MAML3: variants seen among roughly 807,000 people sequenced by gnomAD.
MAML3 encodes mastermind like transcriptional coactivator 3, also known as mastermind-like protein 3.
MAML3 carries 27 observed loss-of-function variants against 101.9 expected under a neutral mutation model. That is an observed-to-expected ratio of 0.27 (90% CI 0.20 to 0.37). The LOEUF (loss-of-function observed/expected upper bound fraction) is 0.37, where lower values mean the gene tolerates loss of function less well. Ranked by LOEUF, MAML3 falls within the 10% of genes least tolerant of loss-of-function variation. The probability of loss-of-function intolerance (pLI) is 1.00; values close to 1 mark genes in which losing one functional copy is unlikely to be tolerated. For missense variants in MAML3, 1,316 were observed against 1,444.9 expected (o/e 0.91, Z 1.45); for synonymous variants, 501 against 555.9 (o/e 0.90, Z 1.39).
At chr4:139,991,755 G>T (rs1275020619) in intron 1 of MAML3, among the ~76,000 whole-genome samples, 1 of 152,012 alleles carries the variant, frequency 6.6e-6, no homozygotes, top group East Asian at 1.9e-4. Flanking sequence ...GCTGAAGCAG[G>T]GGGATCATTG....
At chr4:140,113,210 C>T (rs1328648324) in intron 1 of MAML3, among the ~76,000 whole-genome samples, 3 of 151,976 alleles carry the variant, frequency 2.0e-5, no homozygotes, top group African/African-American at 4.8e-5. Flanking sequence ...ACCCAGGAGG[C>T]GGAGCTTGCA....
chr4:139,830,693 C>G (rs946700231), intron 2 of MAML3, among the ~76,000 whole-genome samples: 1 of 151,974 alleles, frequency 6.6e-6, no homozygotes, highest in Non-Finnish European at 1.5e-5. Flanking sequence ...GGATTACAGG[C>G]GTGAGCCACT....
chr4:139,885,374 C>A (rs1172818536), intron 2 of MAML3, among the ~76,000 whole-genome samples: 1 of 151,918 alleles, frequency 6.6e-6, no homozygotes, highest in Non-Finnish European at 1.5e-5. Context: ...CCACTACACT[C>A]CAGTCTGGGC....
intron 1 of MAML3, among the ~76,000 whole-genome samples, chr4:139,978,629 G>T (rs1436102966): frequency 3.3e-5 from 2 of 60,774 alleles, no homozygotes; most frequent in South Asian, 7.9e-4. Flanking sequence ...AAGAGAGAGA[G>T]AGAGAGCACA....
chr4:139,767,533 G>C (rs969721305), intron 2 of MAML3, among the ~76,000 whole-genome samples: 1 of 151,980 alleles, frequency 6.6e-6, no homozygotes, highest in African/African-American at 2.4e-5. Context: ...TGGTCCTTCC[G>C]ACTTTGTCTT....
At position 139,780,778 on chromosome 4, in the gene MAML3, G is replaced by A. The variant is rs192518793; in HGVS notation, c.2080-50111C>T. Among the ~76,000 whole-genome samples the A allele has an allele frequency of 1.9e-4, 29 of 151,990 alleles. No homozygotes were observed. In the East Asian group the frequency reaches 2.7e-3, roughly 14 times the overall value. ...CCTGAGCAGCTGGGATTACAAGTGC[G>A]CGCCACCATAGCCAGCTAATTTTGT... On this transcript the variant is annotated intron_variant, in intron 2 of 4. Coordinates refer to ENST00000509479, the MANE Select transcript of MAML3 (RefSeq NM_018717.5).
intron 2 of MAML3, among the ~76,000 whole-genome samples, chr4:139,747,459 C>T (rs969387877): frequency 3.9e-5 from 6 of 151,948 alleles, no homozygotes; most frequent in Non-Finnish European, 7.4e-5. Context: ...TTTGGGAGGC[C>T]GAGGCAGGTG....
In MAML3 at chr4:139,730,430, TCTG is replaced by T. The variant is rs3051167; in HGVS notation, c.2314_2316del (p.Gln772del). 0.91 allele frequency: 1,321,531 copies of T among 1,456,304 alleles called. 593,390 individuals are homozygous for T. Among genetic ancestry groups the T allele is most frequent in the African/African-American group, 0.93 (66,284 of 70,920 alleles). The allele number at this position is 1,456,304 out of a possible 1,614,324, so 90.2% of individuals were successfully genotyped here. A position where few individuals can be genotyped will look rare whatever the true frequency, so the allele number is the denominator to read the frequency against. The stretch of plus-strand genomic sequence containing the variant: ...GGGCATGTTACCTGTTCCGCCAAAA[TCTG>T]CTGCTGCTGCTGCTGCTGCTGCTGC... On this transcript the variant is annotated inframe_deletion, in exon 3 of 5. Coordinates refer to ENST00000509479, the MANE Select transcript of MAML3 (RefSeq NM_018717.5).
chr4:139,769,618 TTTTC>T (rs1202393420), intron 2 of MAML3, among the ~76,000 whole-genome samples: 6 of 152,108 alleles, frequency 3.9e-5, no homozygotes, highest in Non-Finnish European at 8.8e-5. Flanking sequence ...TCAAAGTTCT[TTTTC>T]TTTTTTTTTT....
At position 139,832,094 on chromosome 4, in the gene MAML3, C is replaced by CTTTTT. The variant is rs70943444; in HGVS notation, c.2079+57258_2079+57262dup. On this transcript the variant is annotated intron_variant, in intron 2 of 4. Transcript: ENST00000509479. ...AGGCGTGAGCCATCATGCCCAGCCC[C>CTTTTT]TTTTTTTTTTTTTTTTTTTTTTTTT... Among the ~76,000 whole-genome samples, 85 of 64,704 alleles carry CTTTTT rather than the reference C, an allele frequency of 1.3e-3. 3 individuals carry two copies. The highest frequency in any genetic ancestry group is 5.7e-3 in the South Asian group (6 of 1,050). The allele number at this position is 64,704 out of a possible 152,430, so 42.4% of individuals were successfully genotyped here. A position where few individuals can be genotyped will look rare whatever the true frequency, so the allele number is the denominator to read the frequency against.
chr4:140,052,741 C>T (rs542112388), intron 1 of MAML3, among the ~76,000 whole-genome samples: 1 of 151,990 alleles, frequency 6.6e-6, no homozygotes, highest in South Asian at 2.1e-4. Context: ...CACCATGTTG[C>T]CCAGGCTGGT....
chr4:140,132,290 CTTATT>C (rs1241232011), intron 1 of MAML3, among the ~76,000 whole-genome samples: 1 of 152,230 alleles, frequency 6.6e-6, no homozygotes, highest in African/African-American at 2.4e-5. Flanking sequence ...AAGGGAAGTT[CTTATT>C]AGTGTGTTGA....
chr4:140,121,866 G>A (rs1156492089), intron 1 of MAML3, among the ~76,000 whole-genome samples: 4 of 152,230 alleles, frequency 2.6e-5, no homozygotes, highest in South Asian at 2.1e-4. Context: ...TCATGGGAGG[G>A]ACCCAGTGGG....
intron 2 of MAML3, among the ~76,000 whole-genome samples, chr4:139,747,695 GA>G (rs1729371842): frequency 7.0e-6 from 1 of 142,856 alleles, no homozygotes; most frequent in East Asian, 2.1e-4. Context: ...CTCCCTCTCA[GA>G]AAAGAAAAAA....
chr4:139,753,183 C>A (rs1729554925), intron 2 of MAML3, among the ~76,000 whole-genome samples: 1 of 152,148 alleles, frequency 6.6e-6, no homozygotes, highest in African/African-American at 2.4e-5. Flanking sequence ...TAAAATTTAT[C>A]ATTTTAACTC....
chr4:140,050,785 T>A (rs1727255565), intron 1 of MAML3, among the ~76,000 whole-genome samples: 1 of 151,830 alleles, frequency 6.6e-6, no homozygotes, highest in African/African-American at 2.4e-5. Flanking sequence ...GCAGAAAACA[T>A]AGTCTGAGAA....
intron 1 of MAML3, among the ~76,000 whole-genome samples, chr4:140,041,329 A>G (rs1254926822): frequency 6.6e-6 from 1 of 152,166 alleles, no homozygotes; most frequent in African/African-American, 2.4e-5. Context: ...AAGAGAACAG[A>G]GAGTGGAAGA....
chr4:139,808,112 G>A (rs576765440), intron 2 of MAML3, among the ~76,000 whole-genome samples: 185 of 152,338 alleles, frequency 1.2e-3, no homozygotes, highest in African/African-American at 4.3e-3. Flanking sequence ...TGTGGAGAGG[G>A]ATGAGGCATT....
intron 2 of MAML3, among the ~76,000 whole-genome samples, chr4:139,764,929 C>T (rs888414049): frequency 7.3e-6 from 1 of 137,794 alleles, no homozygotes; most frequent in Non-Finnish European, 1.6e-5. Flanking sequence ...GCTCCCAATG[C>T]AGGGCTGGGC....
Sources: allele counts gnomAD v4.1 joint callset (sites outside exome capture counted in the v4.1 genomes callset), GRCh38; gene constraint gnomAD v4.1.1; transcripts MANE v1.5; gene names NCBI Gene and HGNC (gene_info 2026-07-23, HGNC 2026-07-21).